Variants in LPP observed in about 807,000 individuals in gnomAD.
LPP encodes the protein lipoma-preferred partner.
LPP carries 38 observed loss-of-function variants against 60.4 expected under a neutral mutation model. The observed-to-expected ratio is 0.63, with a 90% CI of 0.49 to 0.83. The LOEUF (loss-of-function observed/expected upper bound fraction) is 0.83, where lower values mean the gene tolerates loss of function less well. Among genes scored for constraint, LPP ranks in the 40% least tolerant of loss-of-function variants. The pLI is 0.00. For synonymous variants in LPP, 328 were observed against 290.8 expected, an observed-to-expected ratio of 1.13 and a Z score of -1.30; for missense variants, 902 against 783.6, an observed-to-expected ratio of 1.15 and a Z score of -1.80.
chr3:188,635,679 G>C (rs73196707), intron 7 of LPP, among the ~76,000 whole-genome samples: 24,060 of 152,200 alleles, frequency 0.16, 2,428 homozygotes, highest in Middle Eastern at 0.22. Context: ...ATCTGATATA[G>C]TGAGAAATCA....
At chr3:188,494,111 G>A (rs142413477) in intron 5 of LPP, among the ~76,000 whole-genome samples, 8 of 152,198 alleles carry the variant, frequency 5.3e-5, no homozygotes, top group East Asian at 1.9e-4. Flanking sequence ...GGGTATATAC[G>A]TTCAGTCTTC....
intron 2 of LPP, among the ~76,000 whole-genome samples, chr3:188,328,899 C>A (rs187600827): frequency 1.3e-5 from 2 of 152,120 alleles, no homozygotes; most frequent in Non-Finnish European, 2.9e-5. Context: ...AAGATTGATA[C>A]GTTTCAATGC....
At chr3:188,787,672 G>A (rs1008771604) in intron 9 of LPP, among the ~76,000 whole-genome samples, 2 of 152,120 alleles carry the variant, frequency 1.3e-5, no homozygotes, top group African/African-American at 4.8e-5. Context: ...CGTACACTCT[G>A]GGTTTTCTTC....
chr3:188,613,791 G>A (rs1383356332), intron 7 of LPP, among the ~76,000 whole-genome samples: 1 of 151,956 alleles, frequency 6.6e-6, no homozygotes, highest in East Asian at 1.9e-4. Context: ...AACTGTTGTG[G>A]TCAGTGTTGA....
intron 7 of LPP, among the ~76,000 whole-genome samples, chr3:188,703,101 A>T (rs1364011611): frequency 1.3e-5 from 2 of 152,244 alleles, no homozygotes; most frequent in East Asian, 3.8e-4. Flanking sequence ...CATCTGTGAA[A>T]GTAGGCATCT....
intron 7 of LPP, among the ~76,000 whole-genome samples, chr3:188,701,944 C>CTTTTTTTTTTTTTTT (rs35803152): frequency 2.2e-4 from 18 of 83,546 alleles, no homozygotes; most frequent in Admixed American, 3.6e-4. Flanking sequence ...GTTTTTTTCC[C>CTTTTTTTTTTTTTTT]TTTTTTTTTT....
intron 6 of LPP, among the ~76,000 whole-genome samples, chr3:188,559,370 A>G (rs1830175921): frequency 6.6e-6 from 1 of 152,072 alleles, no homozygotes. Context: ...TAACCTGTTC[A>G]GGATCTCGTG....
At chr3:188,454,242 G>A (rs1018698098) in intron 4 of LPP, among the ~76,000 whole-genome samples, 3 of 152,202 alleles carry the variant, frequency 2.0e-5, no homozygotes, top group African/African-American at 4.8e-5. Context: ...TGTAACTGCC[G>A]TGCAATGCTG....
chr3:188,302,741 G>A (rs1750312991), intron 2 of LPP, among the ~76,000 whole-genome samples: 1 of 152,160 alleles, frequency 6.6e-6, no homozygotes, highest in Non-Finnish European at 1.5e-5. Flanking sequence ...GACAGCTATT[G>A]TAATATATTT....
intron 2 of LPP, among the ~76,000 whole-genome samples, chr3:188,279,934 A>C (rs1169327894): frequency 1.3e-5 from 2 of 152,170 alleles, no homozygotes; most frequent in African/African-American, 4.8e-5. Flanking sequence ...AACTCCAGCA[A>C]ATGGCTCCTC....
intron 9 of LPP, among the ~76,000 whole-genome samples, chr3:188,771,560 A>AG (rs1287923083): frequency 6.8e-5 from 8 of 117,504 alleles, no homozygotes; most frequent in Admixed American, 9.4e-5. Flanking sequence ...AAAAAAAAAA[A>AG]AAAAAAGAAA....
intron 9 of LPP, among the ~76,000 whole-genome samples, chr3:188,838,542 G>A (rs1759076388): frequency 6.6e-6 from 1 of 152,122 alleles, no homozygotes; most frequent in Non-Finnish European, 1.5e-5. Flanking sequence ...GATAGGTGCA[G>A]CTCCATTTCA....
In LPP at chr3:188,878,223, G is replaced by A. The variant is rs1409344097; in HGVS notation, c.*3744G>A. The A allele has an allele frequency of 4.6e-6, 1 of 217,196 alleles. No individual in the cohort carries two copies. Among genetic ancestry groups the A allele is most frequent in the African/African-American group, 2.3e-5 (1 of 44,344 alleles). 13.5% of individuals were successfully genotyped at this position (217,196 alleles called of 1,614,324 possible). On this transcript the variant is annotated 3_prime_UTR_variant, in exon 12 of 12. Coordinates refer to ENST00000617246, the MANE Select transcript of LPP (RefSeq NM_001375462.1). Reference sequence around the variant, plus strand: ...ATTGGATATGGTTTGGGCTTCTCTTGTCAAATCTGTGTCGGCTGCCCCCTG... The same window carrying A: ...ATTGGATATGGTTTGGGCTTCTCTTATCAAATCTGTGTCGGCTGCCCCCTG...
At chr3:188,240,673 C>T (rs1030380470) in intron 2 of LPP, among the ~76,000 whole-genome samples, 3 of 151,620 alleles carry the variant, frequency 2.0e-5, no homozygotes, top group South Asian at 2.1e-4. Context: ...ATCATGTCAA[C>T]TAGTAAGGCT....
chr3:188,420,494 C>T (rs1371477506), intron 4 of LPP, among the ~76,000 whole-genome samples: 3 of 152,182 alleles, frequency 2.0e-5, no homozygotes, highest in African/African-American at 7.2e-5. Context: ...ATTAACTACA[C>T]AATCTCAGAA....
At chr3:188,183,976 A>T (rs1006143022) in intron 1 of LPP, among the ~76,000 whole-genome samples, 2 of 152,152 alleles carry the variant, frequency 1.3e-5, no homozygotes, top group Non-Finnish European at 2.9e-5. Flanking sequence ...GCAGATGTCA[A>T]AAATGGAGTG....
rs28382360 is a variant in LPP at position 188,514,448 on chromosome 3, T to A, written c.307-10217T>A. 5.3e-5 allele frequency among the ~76,000 whole-genome samples: 8 copies of A among 152,096 alleles called. No individual in the cohort carries two copies. The East Asian group carries it at 7.7e-4, about 15-fold the overall frequency. On this transcript the variant is annotated intron_variant, in intron 5 of 11. Coordinates refer to ENST00000617246, the MANE Select transcript of LPP (RefSeq NM_001375462.1). ...TTTTTTATTTTTTATTTTATTTTTT[T>A]TTTTATTTTTTGAGTTTCACTCTTG...
chr3:188,602,069 A>ATAT (rs1841309479), intron 6 of LPP, among the ~76,000 whole-genome samples: 1 of 128,840 alleles, frequency 7.8e-6, no homozygotes, highest in Non-Finnish European at 1.7e-5. Flanking sequence ...CTCTATCTCA[A>ATAT]ATATATATAT....
At chr3:188,569,552 A>G (rs1363096536) in intron 6 of LPP, among the ~76,000 whole-genome samples, 1 of 152,046 alleles carries the variant, frequency 6.6e-6, no homozygotes, top group Non-Finnish European at 1.5e-5. Context: ...TTGGTAACTA[A>G]ACATTTATTG....
Sources: gnomAD v4.1 joint callset for allele counts (sites outside exome capture counted in the v4.1 genomes callset) on GRCh38, gnomAD v4.1.1 for gene constraint, MANE v1.5 for transcripts, NCBI Gene and HGNC (gene_info 2026-07-23, HGNC 2026-07-21) for gene names.